Variants in MAB21L3 observed in about 807,000 individuals in gnomAD.
MAB21L3 encodes the protein mab-21 like 3.
In MAB21L3, 36 loss-of-function variants were observed where a neutral mutation model predicts 37.7. The ratio of observed to expected loss-of-function variants is 0.96; its 90% CI spans 0.73 to 1.26. The LOEUF (loss-of-function observed/expected upper bound fraction) is 1.26, where lower values mean the gene tolerates loss of function less well. MAB21L3 is among the 50% of genes most tolerant of loss of function. The pLI is 0.00. For missense variants in MAB21L3, 430 were observed against 447.3 expected (o/e 0.96, Z 0.35); for synonymous variants, 186 against 176.8 (o/e 1.05, Z -0.41).
At chr1:116,125,193 A>G (rs1557931974) in intron 5 of MAB21L3, among the ~76,000 whole-genome samples, 1 of 152,186 alleles carries the variant, frequency 6.6e-6, no homozygotes, top group Non-Finnish European at 1.5e-5. Context: ...CTTAGTGTCG[A>G]GTGGGCATGG....
intron 7 of MAB21L3, among the ~76,000 whole-genome samples, chr1:116,132,455 C>T (rs746199875): frequency 3.9e-5 from 6 of 152,066 alleles, no homozygotes; most frequent in Non-Finnish European, 8.8e-5. Flanking sequence ...CTGACAAAGG[C>T]CTATTAGATT....
chr1:116,114,364 A>T (rs1319547516), intron 3 of MAB21L3, among the ~76,000 whole-genome samples: 1 of 152,202 alleles, frequency 6.6e-6, no homozygotes, highest in East Asian at 1.9e-4. Flanking sequence ...GTCAAGGTGC[A>T]TACAGGATCT....
At chr1:116,123,529 G>A (rs2101613983) in intron 4 of MAB21L3, among the ~76,000 whole-genome samples, 1 of 152,286 alleles carries the variant, frequency 6.6e-6, no homozygotes, top group East Asian at 1.9e-4. Context: ...CCAGCCCAGG[G>A]TAGAGAAATA....
chr1:116,114,772 A>G (rs1290478164), intron 3 of MAB21L3, among the ~76,000 whole-genome samples: 1 of 152,234 alleles, frequency 6.6e-6, no homozygotes, highest in Non-Finnish European at 1.5e-5. Flanking sequence ...AATAGAATGC[A>G]TGGTAGACCG....
chr1:116,116,682 T>C (rs1460187059), intron 3 of MAB21L3, among the ~76,000 whole-genome samples: 2 of 152,162 alleles, frequency 1.3e-5, no homozygotes, highest in African/African-American at 4.8e-5. Flanking sequence ...GCCTTGTCAC[T>C]CTGGTCCTCC....
intron 3 of MAB21L3, among the ~76,000 whole-genome samples, chr1:116,117,193 G>GTA: frequency 1.2e-5 from 1 of 81,312 alleles, no homozygotes; most frequent in South Asian, 3.9e-4. Context: ...ATATATATAT[G>GTA]TATAGTCACT....
chr1:116,124,729 C>T (rs1247703994), intron 5 of MAB21L3, among the ~76,000 whole-genome samples: 1 of 152,114 alleles, frequency 6.6e-6, no homozygotes, highest in Admixed American at 6.6e-5. Context: ...GCAGCACCTC[C>T]ATCTGACTGC....
At chr1:116,125,942 T>C (rs931155789) in intron 5 of MAB21L3, among the ~76,000 whole-genome samples, 1 of 152,202 alleles carries the variant, frequency 6.6e-6, no homozygotes, top group East Asian at 1.9e-4. Context: ...ACATTATTCA[T>C]GGTGAAAGTG....
At chr1:116,119,192 G>A (rs1317717382) in intron 3 of MAB21L3, among the ~76,000 whole-genome samples, 2 of 152,114 alleles carry the variant, frequency 1.3e-5, no homozygotes, top group Non-Finnish European at 2.9e-5. Flanking sequence ...GCTTACATTT[G>A]TCTTCCTCAC....
chr1:116,113,585 TC>T (rs1659488809), intron 3 of MAB21L3, among the ~76,000 whole-genome samples: 1 of 152,118 alleles, frequency 6.6e-6, no homozygotes, highest in South Asian at 2.1e-4. Flanking sequence ...TACCCTCCGC[TC>T]CCCCTGCATT....
intron 7 of MAB21L3, among the ~76,000 whole-genome samples, chr1:116,131,434 A>G (rs1660062355): frequency 6.6e-6 from 1 of 152,258 alleles, no homozygotes; most frequent in Non-Finnish European, 1.5e-5. Context: ...GCAGGGACCA[A>G]ACCTTATAAA....
intron 5 of MAB21L3, 62 bp from the exon 6 acceptor site, chr1:116,127,404 T>A (rs1032118695): frequency 6.5e-7 from 1 of 1,528,894 alleles, no homozygotes; most frequent in African/African-American, 1.4e-5. Flanking sequence ...AATTTCTTGT[T>A]TGAACGCTTG....
chr1:116,120,927 C>A lies in MAB21L3; in HGVS notation c.49-5C>A. The A allele has an allele frequency of 1.9e-6, 3 of 1,613,788 alleles. No individual in the cohort carries two copies. The highest frequency in any genetic ancestry group is 1.3e-5 in the African/African-American group (1 of 74,984). On this transcript the variant is annotated splice_polypyrimidine_tract_variant and splice_region_variant and intron_variant, in intron 3 of 7. Coordinates refer to ENST00000369500, the MANE Select transcript of MAB21L3 (RefSeq NM_152367.3). The stretch of plus-strand genomic sequence containing the variant: ...ACCACCATTGCTGGTCCCTCTCACA[C>A]CCAGGTGGACTTGAGGCGCCAGCAG...
rs1660128826 is a variant in MAB21L3, at chr1:116,133,379, C to T, written c.*14C>T. On this transcript the variant is annotated 3_prime_UTR_variant, in exon 8 of 8. Transcript: ENST00000369500. ...GGCCCGCCCTGATGGTTGCCCCGGCCTGGGAGGCTCTTGGACATTTTATTC... is the reference window on the plus strand; with the variant it reads ...GGCCCGCCCTGATGGTTGCCCCGGCTTGGGAGGCTCTTGGACATTTTATTC... 6.2e-7 allele frequency: 1 copy of T among 1,606,114 alleles called. No individual in the cohort carries two copies. Among genetic ancestry groups the T allele is most frequent in the Admixed American group, 1.7e-5 (1 of 59,988 alleles).
rs1293157076 is a variant in MAB21L3, at chr1:116,136,333, AACAG to A, written c.*2974_*2977del. Among the ~76,000 whole-genome samples, 1 of 152,036 alleles carries A rather than the reference AACAG, an allele frequency of 6.6e-6. No individual in the cohort carries two copies. The highest frequency in any genetic ancestry group is 1.5e-5 in the Non-Finnish European group (1 of 67,978). The stretch of plus-strand genomic sequence containing the variant: ...ATCACAAGCATTCTTATACACCAAT[AACAG>A]ACAGAGAGCCAAATCATGAGTGAAC... On this transcript the variant is annotated 3_prime_UTR_variant, in exon 8 of 8. Coordinates refer to ENST00000369500, the MANE Select transcript of MAB21L3 (RefSeq NM_152367.3).
Position 116,120,402 on chromosome 1 carries a change from T to TACAC in MAB21L3, c.49-504_49-501dup, listed in dbSNP as rs750221425. ...ACTTATCATACTTGATATTACATTA[T>TACAC]ACACACACACACACACACACACACA... On this transcript the variant is annotated intron_variant, in intron 3 of 7. Coordinates refer to ENST00000369500, the MANE Select transcript of MAB21L3 (RefSeq NM_152367.3). 9.3e-3 allele frequency among the ~76,000 whole-genome samples: 850 copies of TACAC among 91,692 alleles called. 9 individuals carry two copies. Among genetic ancestry groups the TACAC allele is most frequent in the Admixed American group, 0.051 (550 of 10,842 alleles). The allele number at this position is 91,692 out of a possible 152,430, so 60.2% of individuals were successfully genotyped here.
intron 7 of MAB21L3, among the ~76,000 whole-genome samples, chr1:116,130,238 C>T (rs1660033859): frequency 1.3e-5 from 2 of 152,210 alleles, no homozygotes; most frequent in Non-Finnish European, 2.9e-5. Flanking sequence ...CAAATCTGTA[C>T]TCCCCACAAG....
chr1:116,116,777 G>C (rs1659599646), intron 3 of MAB21L3, among the ~76,000 whole-genome samples: 1 of 152,150 alleles, frequency 6.6e-6, no homozygotes, highest in Admixed American at 6.5e-5. Flanking sequence ...AGTGATGGAG[G>C]AAGAAAATTA....
intron 5 of MAB21L3, among the ~76,000 whole-genome samples, chr1:116,126,909 A>T (rs977736456): frequency 3.9e-5 from 6 of 152,184 alleles, no homozygotes; most frequent in African/African-American, 1.4e-4. Context: ...GATATTCAAC[A>T]CTTTATTATA....
Sources: allele counts gnomAD v4.1 joint callset (sites outside exome capture counted in the v4.1 genomes callset), GRCh38; gene constraint gnomAD v4.1.1; transcripts MANE v1.5; gene names NCBI Gene and HGNC (gene_info 2026-07-23, HGNC 2026-07-21).